The following MYO16 variants were observed in gnomAD, a reference collection of about 807,000 sequenced individuals.
MYO16 encodes the protein myosin XVI.
Under a neutral mutation model 205.3 loss-of-function variants are expected in MYO16, and 94 were observed. The observed-to-expected ratio is 0.46, with a 90% CI of 0.39 to 0.54. The LOEUF is 0.54. Among genes scored for constraint, MYO16 ranks in the 20% least tolerant of loss-of-function variants. The pLI, the probability that MYO16 is intolerant of heterozygous loss-of-function variation, is 0.00. For missense variants in MYO16, 2,315 were observed against 2,387.5 expected, an observed-to-expected ratio of 0.97 and a Z score of 0.63; for synonymous variants, 988 against 954.0, an observed-to-expected ratio of 1.04 and a Z score of -0.66.
At chr13:108,526,136 A>C in the MYO16 span, among the ~76,000 whole-genome samples, 1 of 152,106 alleles carries the variant, frequency 6.6e-6, no homozygotes, top group Non-Finnish European at 1.5e-5. Flanking sequence ...TTTTCTTGGA[A>C]GCATATGTTG....
chr13:108,897,853 T>C (rs1332619863), intron 14 of MYO16, among the ~76,000 whole-genome samples, 163 bp from the exon 15 acceptor site: 1 of 152,160 alleles, frequency 6.6e-6, no homozygotes, highest in Non-Finnish European at 1.5e-5. Context: ...GCTAGTGGCT[T>C]GCCTTTGAGG....
Position 109,140,791 on chromosome 13 carries a change from G to C in MYO16, c.4579G>C (p.Ala1527Pro), listed in dbSNP as rs1332549539. ...FPPTPVTCSP[A>P]SDESPLTPLE... ...CCCGACCCCCGTCACCTGCTCCCCCGCCTCCGACGAGTCGCCCCTGACACC... is the reference window on the plus strand; with the variant it reads ...CCCGACCCCCGTCACCTGCTCCCCCCCCTCCGACGAGTCGCCCCTGACACC... The change falls in exon 32 of 35, where the codon GCC (alanine) becomes CCC (proline). Residue 1527 changes from alanine (A) to proline (P), a missense_variant. Coordinates refer to ENST00000457511, the MANE Select transcript of MYO16 (RefSeq NM_001198950.3). This position sits in a 1 kb window ranked among gnomAD's most constrained non-coding sequence, Gnocchi z 8.0. The C allele has an allele frequency of 1.5e-4, 228 of 1,470,996 alleles. No homozygotes were observed. The highest frequency in any genetic ancestry group is 2.0e-4 in the Non-Finnish European group (220 of 1,106,728). 91.1% of individuals were successfully genotyped at this position (1,470,996 alleles called of 1,614,324 possible). A position where few individuals can be genotyped will look rare whatever the true frequency, so the allele number is the denominator to read the frequency against.
At chr13:109,134,293 T>G (rs1189291622) in intron 31 of MYO16, among the ~76,000 whole-genome samples, 3 of 152,142 alleles carry the variant, frequency 2.0e-5, no homozygotes, top group Non-Finnish European at 2.9e-5. Context: ...CATGCTACTT[T>G]TATTTATAAT....
At chr13:109,019,660 A>G (rs1312135666) in intron 22 of MYO16, 51 bp from the exon 23 acceptor site, 15 of 1,422,384 alleles carry the variant, frequency 1.1e-5, no homozygotes, top group Non-Finnish European at 1.4e-5. Context: ...TAACAAAAAT[A>G]TCAAACTAAG....
the MYO16 span, among the ~76,000 whole-genome samples, chr13:108,558,970 C>A: frequency 4.7e-5 from 7 of 148,480 alleles, no homozygotes; most frequent in African/African-American, 1.7e-4. Context: ...AAGCAGTGAG[C>A]TGATGAGATG....
At chr13:108,986,690 T>C (rs1884649501) in intron 20 of MYO16, among the ~76,000 whole-genome samples, 2 of 150,672 alleles carry the variant, frequency 1.3e-5, no homozygotes, top group Non-Finnish European at 3.0e-5. Context: ...CTTTCACTAA[T>C]ATGAAGGATA....
intron 29 of MYO16, among the ~76,000 whole-genome samples, chr13:109,122,547 G>A (rs1270267195): frequency 3.3e-5 from 5 of 151,930 alleles, no homozygotes; most frequent in Admixed American, 6.6e-5. Flanking sequence ...GCATGGTAGC[G>A]CATGCCTGTA....
chr13:108,832,875 T>C (rs1028923252), intron 9 of MYO16, among the ~76,000 whole-genome samples: 4 of 152,168 alleles, frequency 2.6e-5, no homozygotes, highest in African/African-American at 9.6e-5. Context: ...CTACAGAATG[T>C]GTTTACAAAA....
chr13:108,707,471 G>A lies in MYO16; in HGVS notation c.293-5190G>A, dbSNP rs554161712. ...AGCATAGTGAGGGTCGAGGGTCATT[G>A]CCCAGACTCAGTCTTTGATTGCAGG... On this transcript the variant is annotated intron_variant, in intron 2 of 34. Coordinates refer to ENST00000457511, the MANE Select transcript of MYO16 (RefSeq NM_001198950.3). Among the ~76,000 whole-genome samples the A allele has an allele frequency of 2.0e-3, 311 of 152,212 alleles. 11 individuals are homozygous for A. In the South Asian group the frequency reaches 0.063, roughly 31 times the overall value.
At chr13:108,935,367 C>T (rs1208667125) in intron 16 of MYO16, among the ~76,000 whole-genome samples, 1 of 151,658 alleles carries the variant, frequency 6.6e-6, no homozygotes, top group African/African-American at 2.4e-5. Context: ...TAGGTATTTG[C>T]ATGTGGCATT....
intron 28 of MYO16, among the ~76,000 whole-genome samples, chr13:109,103,175 C>T (rs1594088469): frequency 6.6e-6 from 1 of 152,254 alleles, no homozygotes; most frequent in African/African-American, 2.4e-5. Flanking sequence ...ACAAAAAACA[C>T]TCATTCCTAA....
At chr13:108,723,503 T>C (rs1884236204) in intron 3 of MYO16, among the ~76,000 whole-genome samples, 1 of 152,156 alleles carries the variant, frequency 6.6e-6, no homozygotes, top group African/African-American at 2.4e-5. Flanking sequence ...TATTTTTATA[T>C]AGGACAAAAT....
the MYO16 span, among the ~76,000 whole-genome samples, chr13:108,498,755 G>A: frequency 6.6e-6 from 1 of 152,192 alleles, no homozygotes; most frequent in African/African-American, 2.4e-5. Flanking sequence ...AGGGAGAAAT[G>A]TCATCATCAC....
chr13:109,009,104 G>T, intron 22 of MYO16, 55 bp downstream of exon 22: 1 of 1,375,860 alleles, frequency 7.3e-7, no homozygotes, highest in East Asian at 2.5e-5. Context: ...TAAATATACT[G>T]GAGACAAAGA....
At chr13:109,183,514 T>C (rs756813661) in intron 34 of MYO16, among the ~76,000 whole-genome samples, 2 of 152,240 alleles carry the variant, frequency 1.3e-5, no homozygotes, top group Non-Finnish European at 2.9e-5. Flanking sequence ...AAATGAGCTG[T>C]TTAATTGTTT....
At chr13:109,165,930 A>G (rs898085201) in intron 33 of MYO16, among the ~76,000 whole-genome samples, 6 of 151,888 alleles carry the variant, frequency 4.0e-5, no homozygotes, top group Admixed American at 6.6e-5. Context: ...ACCAAGAACC[A>G]TGTTGAGTTG....
In MYO16 at chr13:108,631,864, G is replaced by C. The variant is rs934197606; in HGVS notation, c.28+1992G>C. On this transcript the variant is annotated intron_variant, in intron 1 of 34. Transcript: ENST00000457511. Reference sequence around the variant, plus strand: ...AGGCCAAAGCAGGCGGATCACCTGAGGTCAGGAGTTTAAGACCAGTCTGGC... The same window carrying C: ...AGGCCAAAGCAGGCGGATCACCTGACGTCAGGAGTTTAAGACCAGTCTGGC... Among the ~76,000 whole-genome samples, 8 of 152,254 alleles carry C rather than the reference G, an allele frequency of 5.3e-5. No individual in the cohort carries two copies. The South Asian group carries it at 1.7e-3, about 32-fold the overall frequency.
At chr13:109,149,657 A>G (rs1877542634) in intron 32 of MYO16, among the ~76,000 whole-genome samples, 2 of 152,152 alleles carry the variant, frequency 1.3e-5, no homozygotes, top group Non-Finnish European at 1.5e-5. Context: ...TGTTTTGCCC[A>G]TTGTCAATGT....
intron 24 of MYO16, among the ~76,000 whole-genome samples, chr13:109,049,561 A>C (rs935298666): frequency 7.0e-5 from 10 of 143,490 alleles, no homozygotes; most frequent in African/African-American, 2.3e-4. Context: ...TCAGTTTTTT[A>C]AATCTTTTAT....
Sources: allele counts gnomAD v4.1 joint callset (sites outside exome capture counted in the v4.1 genomes callset), GRCh38; gene constraint gnomAD v4.1.1; non-coding constraint Gnocchi (gnomAD v3.1); transcripts MANE v1.5; gene names NCBI Gene and HGNC (gene_info 2026-07-23, HGNC 2026-07-21).